SLC35H1: variants seen among roughly 807,000 people sequenced by gnomAD.
SLC35H1 encodes ovarian cancer-overexpressed gene 1 protein.
chr20:46,361,944 T>TGCAACACC, the SLC35H1 span, among the ~76,000 whole-genome samples: 1 of 152,236 alleles, frequency 6.6e-6, no homozygotes, highest in Non-Finnish European at 1.5e-5. Flanking sequence ...GCTGCAGCAC[T>TGCAACACC]GCAACACCGC....
the SLC35H1 span, chr20:46,350,318 C>A: frequency 1.3e-6 from 2 of 1,508,662 alleles, 1 homozygote; most frequent in South Asian, 2.6e-5. Flanking sequence ...CATGATGAGC[C>A]CTGGCGGCTT....
At chr20:46,347,554 T>C in the SLC35H1 span, 2 of 151,878 alleles carry the variant, frequency 1.3e-5, no homozygotes, top group African/African-American at 4.8e-5. Context: ...GGCCTGGGAG[T>C]CCCCACCCTC....
At chr20:46,361,165 C>T in the SLC35H1 span, among the ~76,000 whole-genome samples, 15 of 152,156 alleles carry the variant, frequency 9.9e-5, no homozygotes, top group Non-Finnish European at 2.2e-4. Flanking sequence ...CTGAAACTGA[C>T]TCGTGTTTTC....
chr20:46,358,299 T>G, the SLC35H1 span: 1 of 1,225,568 alleles, frequency 8.2e-7, no homozygotes, highest in African/African-American at 1.5e-5. Context: ...TTGAAGCTTG[T>G]GCCTTCCTGT....
chr20:46,350,913 G>A, the SLC35H1 span: 2 of 1,612,918 alleles, frequency 1.2e-6, no homozygotes, highest in Admixed American at 1.7e-5. Flanking sequence ...AAGCAGGAGG[G>A]AGCATGATCA....
chr20:46,358,403 T>C, the SLC35H1 span: 1 of 1,614,134 alleles, frequency 6.2e-7, no homozygotes, highest in Non-Finnish European at 8.5e-7. Flanking sequence ...CAGCCACTTG[T>C]TGTAGAAGGT....
At chr20:46,357,473 G>C in the SLC35H1 span, 6 of 935,576 alleles carry the variant, frequency 6.4e-6, no homozygotes, top group South Asian at 9.8e-5. Context: ...AGCGTGGGTG[G>C]TGGGAGGCCA....
the SLC35H1 span, chr20:46,350,223 C>G: frequency 1.5e-6 from 1 of 685,512 alleles, no homozygotes; most frequent in African/African-American, 1.8e-5. Context: ...CCTTGTGTGA[C>G]CAGGCTCTGA....
chr20:46,355,919 C>T, the SLC35H1 span: 32 of 1,610,902 alleles, frequency 2.0e-5, no homozygotes, highest in African/African-American at 3.6e-4. The surrounding 1 kb of genome is among the most constrained non-coding windows in gnomAD (Gnocchi z 4.8). Context: ...GCTCAGGGCT[C>T]AGACCCATCA....
At chr20:46,357,367 C>G in the SLC35H1 span, among the ~76,000 whole-genome samples, 1 of 152,244 alleles carries the variant, frequency 6.6e-6, no homozygotes, top group Non-Finnish European at 1.5e-5. Context: ...TCGGTGTCTG[C>G]TGGCAGGAGA....
chr20:46,357,662 G>A, the SLC35H1 span: 7 of 1,614,114 alleles, frequency 4.3e-6, no homozygotes, highest in South Asian at 1.1e-5. Context: ...GCCCAGCTCA[G>A]CACCACACGG....
the SLC35H1 span, chr20:46,352,116 A>G: frequency 6.2e-7 from 1 of 1,614,238 alleles, no homozygotes; most frequent in Non-Finnish European, 8.5e-7. Context: ...AACTCAGAGA[A>G]GCCCAAACCA....
the SLC35H1 span, chr20:46,357,670 C>T: frequency 2.2e-5 from 35 of 1,614,010 alleles, no homozygotes; most frequent in Admixed American, 1.2e-4. Context: ...CAGCACCACA[C>T]GGGCCCTGTG....
At chr20:46,348,992 A>G in the SLC35H1 span, 1 of 152,336 alleles carries the variant, frequency 6.6e-6, no homozygotes, top group South Asian at 2.1e-4. Flanking sequence ...GGCTTAACCG[A>G]ACGAGCTTTA....
the SLC35H1 span, among the ~76,000 whole-genome samples, chr20:46,354,113 C>T: frequency 2.0e-5 from 3 of 152,140 alleles, no homozygotes; most frequent in African/African-American, 7.2e-5. Context: ...TTCTCCAGGG[C>T]TCTCCTCATC....
At chr20:46,357,210 C>A in the SLC35H1 span, among the ~76,000 whole-genome samples, 1 of 152,238 alleles carries the variant, frequency 6.6e-6, no homozygotes, top group African/African-American at 2.4e-5. Context: ...CCTAGGAAAT[C>A]TTCCTCTACC....
At chr20:46,350,830 A>T in the SLC35H1 span, 11 of 1,613,992 alleles carry the variant, frequency 6.8e-6, no homozygotes, top group Non-Finnish European at 8.5e-6. Flanking sequence ...AAGCCCAGCC[A>T]GTTCAGGAGG....
chr20:46,356,962 GAACACA>G, the SLC35H1 span, among the ~76,000 whole-genome samples: 1 of 47,574 alleles, frequency 2.1e-5, no homozygotes, highest in Non-Finnish European at 1.1e-4. Context: ...CCTCAGGATG[GAACACA>G]AACTCCTCCA....
At chr20:46,357,549 T>TCATGAGAACAAGACAA in the SLC35H1 span, 1 of 1,517,918 alleles carries the variant, frequency 6.6e-7, no homozygotes, top group African/African-American at 1.4e-5. Context: ...GACATGCGGG[T>TCATGAGAACAAGACAA]GTCTCTCTTG....
Sources: allele counts gnomAD v4.1 joint callset (sites outside exome capture counted in the v4.1 genomes callset), GRCh38; gene constraint gnomAD v4.1.1; non-coding constraint Gnocchi (gnomAD v3.1); transcripts MANE v1.5; gene names NCBI Gene and HGNC (gene_info 2026-07-23, HGNC 2026-07-21).